COL7A1: variants seen among roughly 807,000 people sequenced by gnomAD.
COL7A1 encodes collagen alpha-1(VII) chain.
In COL7A1, 296 loss-of-function variants were observed where a neutral mutation model predicts 456.2. The ratio of observed to expected loss-of-function variants is 0.65; its 90% CI spans 0.59 to 0.71. COL7A1 has a LOEUF of 0.71. COL7A1 is among the 30% of genes least tolerant of loss of function. The pLI, the probability that COL7A1 is intolerant of heterozygous loss-of-function variation, is 0.00. For missense variants in COL7A1, 3,441 were observed against 4,017.2 expected, an observed-to-expected ratio of 0.86 and a Z score of 3.88; for synonymous variants, 1,464 against 1,525.9, an observed-to-expected ratio of 0.96 and a Z score of 0.95.
chr3:48,595,016 T>C, intron 2 of COL7A1, 59 bp downstream of exon 2: 1 of 1,378,088 alleles, frequency 7.3e-7, no homozygotes, highest in Non-Finnish European at 1.0e-6. Context: ...GAAGGCCGAG[T>C]GGAGCGGAGG....
rs1270992883 is a variant in COL7A1, at chr3:48,565,695, GAC to G, written c.8408-29_8408-28del. On this transcript the variant is annotated intron_variant, in intron 114 of 118. Transcript: ENST00000681320. This position sits in a 1 kb window ranked among gnomAD's most constrained non-coding sequence, Gnocchi z 4.5. ...TAGAGGGGGCAGAGAGGGATAGAGAGACAATGACAGAGAGAAGGATGGGAAGA... is the reference window on the plus strand; with the variant it reads ...TAGAGGGGGCAGAGAGGGATAGAGAGAATGACAGAGAGAAGGATGGGAAGA... 1 of 1,600,864 alleles carries G rather than the reference GAC, an allele frequency of 6.2e-7. No homozygotes were observed. The highest frequency in any genetic ancestry group is 8.5e-7 in the Non-Finnish European group (1 of 1,172,262).
Position 48,591,332 on chromosome 3 carries a change from G to A in COL7A1, c.1636+132C>T, listed in dbSNP as rs1379972822. ...TCAGGGCTCAGTGCCATCTTGGGAA[G>A]CAGATGGATAACGAGACAGGGAGGA... is the stretch of plus-strand genomic sequence containing the variant. On this transcript the variant is annotated intron_variant, in intron 13 of 118. Transcript: ENST00000681320. This position sits in a 1 kb window ranked among gnomAD's most constrained non-coding sequence, Gnocchi z 7.0. The A allele has an allele frequency of 1.6e-6, 2 of 1,262,618 alleles. No homozygotes were observed. The highest frequency in any genetic ancestry group is 2.2e-6 in the Non-Finnish European group (2 of 906,562). The allele number at this position is 1,262,618 out of a possible 1,614,324, so 78.2% of individuals were successfully genotyped here.
Position 48,586,844 on chromosome 3 carries a change from G to A in COL7A1, c.3276+128C>T. On this transcript the variant is annotated intron_variant, in intron 25 of 118. Coordinates refer to ENST00000681320, the MANE Select transcript of COL7A1 (RefSeq NM_000094.4). The surrounding 1 kb of genome is among the most constrained non-coding windows in gnomAD (Gnocchi z 5.1). ...GGATAGGGAGCCAGGCAGTAGGTGA[G>A]GTCTGGAGCCTGTGAGAGAGCTGGG... 4 of 1,513,620 alleles carry A rather than the reference G, an allele frequency of 2.6e-6. No individual in the cohort carries two copies. Among genetic ancestry groups the A allele is most frequent in the Non-Finnish European group, 3.6e-6 (4 of 1,116,226 alleles). 93.8% of individuals were successfully genotyped at this position (1,513,620 alleles called of 1,614,324 possible).
At position 48,587,289 on chromosome 3, in the gene COL7A1, G is replaced by A. The variant is rs1425170956; in HGVS notation, c.3040C>T (p.Arg1014Trp). 5.6e-6 allele frequency: 9 copies of A among 1,606,560 alleles called. No individual in the cohort carries two copies. Among genetic ancestry groups the A allele is most frequent in the Admixed American group, 1.7e-5 (1 of 58,978 alleles). ...ACGCCAGGCTCTAGCCCTGTCACCC[G>A]CTGGGAGCTTGAGATCCCTGGAAGT... ...QTLPGISSSQRVTGLEPGVSY... is the reference protein window; with the variant it reads ...QTLPGISSSQWVTGLEPGVSY... Residue 1014 changes from arginine to tryptophan, a missense_variant, in exon 24 of 119, where the codon CGG (arginine) becomes TGG (tryptophan). Arg to Trp is a moderately radical substitution (Grantham distance 101, BLOSUM62 -3). Coordinates refer to ENST00000681320, the MANE Select transcript of COL7A1 (RefSeq NM_000094.4). The surrounding 1 kb of genome is among the most constrained non-coding windows in gnomAD (Gnocchi z 6.1).
In COL7A1 at chr3:48,566,954, G is replaced by T; in HGVS notation, c.8179C>A (p.Pro2727Thr). ...NDGSAGPPGPPGSVGPRGPEG... is the reference protein window; with the variant it reads ...NDGSAGPPGPTGSVGPRGPEG... ...GGGCCTCTGGGACCAACACTGCCAG[G>T]TGGCCCTGGGGGACCAGCAGAGCCA... The change falls in exon 111 of 119, where the codon CCT becomes ACT. Residue 2727 changes from proline to threonine, a missense_variant. Around this residue, in one of 3 missense-constraint regions of COL7A1, gnomAD observed 2,084 missense variants for 2,501.3 expected, o/e 0.83. Coordinates refer to ENST00000681320, the MANE Select transcript of COL7A1 (RefSeq NM_000094.4). The surrounding 1 kb of genome is among the most constrained non-coding windows in gnomAD (Gnocchi z 5.9). 6.2e-7 allele frequency: 1 copy of T among 1,611,470 alleles called. No individual in the cohort carries two copies. Among genetic ancestry groups the T allele is most frequent in the Non-Finnish European group, 8.5e-7 (1 of 1,178,196 alleles).
rs2532857 is a variant in COL7A1, at chr3:48,581,974, C to A, written c.4636-31G>T. The A allele has an allele frequency of 8.7e-6, 14 of 1,613,942 alleles. No individual in the cohort carries two copies. The highest frequency in any genetic ancestry group is 1.2e-5 in the Non-Finnish European group (14 of 1,180,010). On this transcript the variant is annotated intron_variant, in intron 47 of 118. Coordinates refer to ENST00000681320, the MANE Select transcript of COL7A1 (RefSeq NM_000094.4). The surrounding 1 kb of genome is among the most constrained non-coding windows in gnomAD (Gnocchi z 5.8). Reference sequence around the variant, plus strand: ...AACAAACAGGACAGATACAGCTTGGCCCTGCCTTGGGGTTGTATGATCAAA... The same window carrying A: ...AACAAACAGGACAGATACAGCTTGGACCTGCCTTGGGGTTGTATGATCAAA...
Position 48,567,264 on chromosome 3 carries a change from G to A in COL7A1, c.8047-74C>T. On this transcript the variant is annotated intron_variant, in intron 109 of 118. Transcript: ENST00000681320. This position sits in a 1 kb window ranked among gnomAD's most constrained non-coding sequence, Gnocchi z 4.3. The stretch of plus-strand genomic sequence containing the variant: ...CTCTGGAACCTCCCTGAACTCCCAT[G>A]AGCTCCCTGGCCTAATGCCCAAACC... 5 of 1,571,776 alleles carry A rather than the reference G, an allele frequency of 3.2e-6. No individual in the cohort carries two copies. Among genetic ancestry groups the A allele is most frequent in the Non-Finnish European group, 4.4e-6 (5 of 1,147,146 alleles).
Position 48,587,703 on chromosome 3 carries a change from G to A in COL7A1, c.2857+90C>T. 1 of 1,604,634 alleles carries A rather than the reference G, an allele frequency of 6.2e-7. No individual in the cohort carries two copies. Among genetic ancestry groups the A allele is most frequent in the Non-Finnish European group, 8.5e-7 (1 of 1,172,342 alleles). Reference sequence around the variant, plus strand: ...CCAGGGTCAGAGGGTGAGGGGTAGGGGTACAGGAGGAGTCACTCAGAGTCG... The same window carrying A: ...CCAGGGTCAGAGGGTGAGGGGTAGGAGTACAGGAGGAGTCACTCAGAGTCG... On this transcript the variant is annotated intron_variant, in intron 22 of 118. Coordinates refer to ENST00000681320, the MANE Select transcript of COL7A1 (RefSeq NM_000094.4). The surrounding 1 kb of genome is among the most constrained non-coding windows in gnomAD (Gnocchi z 6.1).
At chr3:48,576,119 C>T in intron 71 of COL7A1, 130 bp downstream of exon 71, 3 of 1,470,624 alleles carry the variant, frequency 2.0e-6, no homozygotes. Flanking sequence ...CTACAAGAAC[C>T]CCAATGGGGC....
In COL7A1 at chr3:48,572,885, C is replaced by G. The variant is rs747689845; in HGVS notation, c.6808G>C (p.Asp2270His). ...ACTGGCACACCAGGGCTCCCTCTGT[C>G]TCCATCTTTTCCACTGGCACCATCT... ...GRDGASGKDG[D>H]RGSPGVPGSP... Residue 2270 changes from aspartate to histidine, a missense_variant, in exon 87 of 119, where the codon GAC becomes CAC. Asp to His is a moderately conservative substitution (Grantham distance 81, BLOSUM62 -1). Around this residue, in one of 3 missense-constraint regions of COL7A1, gnomAD observed 2,084 missense variants for 2,501.3 expected, o/e 0.83. Coordinates refer to ENST00000681320, the MANE Select transcript of COL7A1 (RefSeq NM_000094.4). The surrounding 1 kb of genome is among the most constrained non-coding windows in gnomAD (Gnocchi z 4.6). 34 of 1,613,910 alleles carry G rather than the reference C, an allele frequency of 2.1e-5. No homozygotes were observed. In the East Asian group the frequency reaches 7.6e-4, roughly 36 times the overall value.
chr3:48,595,046 C>CG, intron 2 of COL7A1, 29 bp downstream of exon 2: 3 of 1,532,402 alleles, frequency 2.0e-6, no homozygotes, highest in Non-Finnish European at 2.6e-6. Flanking sequence ...TGCAGTGCCC[C>CG]GGGCCGGGTC....
Position 48,573,413 on chromosome 3 carries a change from C to T in COL7A1, c.6619-65G>A. 2 of 1,613,850 alleles carry T rather than the reference C, an allele frequency of 1.2e-6. No individual in the cohort carries two copies. The highest frequency in any genetic ancestry group is 1.7e-6 in the Non-Finnish European group (2 of 1,179,816). ...GGCCAGGGCTCCTGGAGCTCATCCTCATTGCAGGAGATGACAGCCCAGGAG... is the reference window on the plus strand; with the variant it reads ...GGCCAGGGCTCCTGGAGCTCATCCTTATTGCAGGAGATGACAGCCCAGGAG... On this transcript the variant is annotated intron_variant, in intron 83 of 118. Transcript: ENST00000681320. This position sits in a 1 kb window ranked among gnomAD's most constrained non-coding sequence, Gnocchi z 5.5.
In COL7A1 at chr3:48,579,575, C is replaced by G. The variant is rs374275376; in HGVS notation, c.5235+13G>C. 1 of 1,613,914 alleles carries G rather than the reference C, an allele frequency of 6.2e-7. No individual in the cohort carries two copies. Among genetic ancestry groups the G allele is most frequent in the Non-Finnish European group, 8.5e-7 (1 of 1,180,008 alleles). On this transcript the variant is annotated intron_variant, in intron 59 of 118. Coordinates refer to ENST00000681320, the MANE Select transcript of COL7A1 (RefSeq NM_000094.4). This position sits in a 1 kb window ranked among gnomAD's most constrained non-coding sequence, Gnocchi z 4.4. ...CTCCCATGCCTGCACCCCCGAGGACCAATCACACTCACCCTTTCCCCAGGG... is the reference window on the plus strand; with the variant it reads ...CTCCCATGCCTGCACCCCCGAGGACGAATCACACTCACCCTTTCCCCAGGG...
At position 48,573,123 on chromosome 3, in the gene COL7A1, C is replaced by G; in HGVS notation, c.6714+51G>C. On this transcript the variant is annotated intron_variant, in intron 85 of 118. Transcript: ENST00000681320. The surrounding 1 kb of genome is among the most constrained non-coding windows in gnomAD (Gnocchi z 5.5). ...AGGACGACATGAGAGAACATGGGCC[C>G]CAAGGAGTGAAAACACGGTGTCCCT... 2 of 1,614,042 alleles carry G rather than the reference C, an allele frequency of 1.2e-6. No homozygotes were observed. Among genetic ancestry groups the G allele is most frequent in the Admixed American group, 3.3e-5 (2 of 60,024 alleles).
chr3:48,580,953 G>A lies in COL7A1; in HGVS notation c.4936-27C>T, dbSNP rs1338106451. ...TGGTGATAGAGAGAAAAGTCATACTGCACAGGGCAGTCAGGATCTAACTCA... is the reference window on the plus strand; with the variant it reads ...TGGTGATAGAGAGAAAAGTCATACTACACAGGGCAGTCAGGATCTAACTCA... On this transcript the variant is annotated intron_variant, in intron 53 of 118. Transcript: ENST00000681320. The surrounding 1 kb of genome is among the most constrained non-coding windows in gnomAD (Gnocchi z 4.5). The A allele has an allele frequency of 6.2e-7, 1 of 1,613,686 alleles. No individual in the cohort carries two copies. The highest frequency in any genetic ancestry group is 8.5e-7 in the Non-Finnish European group (1 of 1,179,792).
Position 48,579,788 on chromosome 3 carries a change from C to T in COL7A1, c.5151G>A (p.Glu1717=), listed in dbSNP as rs1183046367. The change falls in exon 58 of 119, where the codon GAG becomes GAA. Residue 1717 remains glutamate, a synonymous_variant. Coordinates refer to ENST00000681320, the MANE Select transcript of COL7A1 (RefSeq NM_000094.4). The surrounding 1 kb of genome is among the most constrained non-coding windows in gnomAD (Gnocchi z 4.4). ...RLVDTGPGAR[E]KGEPGDRGQE... ...CTCCACCCACAGACCCTAATACCTT[C>T]TCTCTGGCTCCAGGTCCTGTGTCTA... The T allele has an allele frequency of 6.2e-7, 1 of 1,614,096 alleles. No homozygotes were observed. Among genetic ancestry groups the T allele is most frequent in the East Asian group, 2.2e-5 (1 of 44,872 alleles).
In COL7A1 at chr3:48,565,368, C is replaced by T. The variant is rs775951487; in HGVS notation, c.8527+42G>A. The T allele has an allele frequency of 5.9e-5, 93 of 1,570,770 alleles. No homozygotes were observed. Among genetic ancestry groups the T allele is most frequent in the African/African-American group, 5.8e-4 (43 of 73,928 alleles). ...TTCATGGACACCCATGTGCGTGTCTCGGCCCCACCCATAGCTGCCCCACGG... is the reference window on the plus strand; with the variant it reads ...TTCATGGACACCCATGTGCGTGTCTTGGCCCCACCCATAGCTGCCCCACGG... On this transcript the variant is annotated intron_variant, in intron 116 of 118. Coordinates refer to ENST00000681320, the MANE Select transcript of COL7A1 (RefSeq NM_000094.4). This position sits in a 1 kb window ranked among gnomAD's most constrained non-coding sequence, Gnocchi z 4.5.
In COL7A1 at chr3:48,566,666, C is replaced by T. The variant is rs1256362256; in HGVS notation, c.8298G>A (p.Gly2766=). Residue 2766 remains glycine (G), a synonymous_variant, in exon 112 of 119, where the codon GGG becomes GGA. Coordinates refer to ENST00000681320, the MANE Select transcript of COL7A1 (RefSeq NM_000094.4). This position sits in a 1 kb window ranked among gnomAD's most constrained non-coding sequence, Gnocchi z 5.9. ...CCTTGGAATCCCTACTCACCTGCTC[C>T]CCTCTCTCGCCAGGAGCTCCAGGGA... ...PGVPGAPGER[G]EQGRPGPAGP... 2.5e-6 allele frequency: 4 copies of T among 1,614,068 alleles called. No homozygotes were observed. In the Admixed American group the frequency reaches 6.7e-5, roughly 27 times the overall value.
Position 48,589,420 on chromosome 3 carries a change from C to T in COL7A1, c.2221G>A (p.Asp741Asn), listed in dbSNP as rs751405989. 2 of 1,613,648 alleles carry T rather than the reference C, an allele frequency of 1.2e-6. No homozygotes were observed. Among genetic ancestry groups the T allele is most frequent in the Non-Finnish European group, 8.5e-7 (1 of 1,180,022 alleles). The change falls in exon 18 of 119, where the codon GAT (aspartate) becomes AAT (asparagine). Residue 741 changes from aspartate to asparagine, a missense_variant. Transcript: ENST00000681320. ...TACTCAGTATCTGGCTCCAGTCCATCCAGCTCAGCCACCGTGGCCTCCCCA... is the reference window on the plus strand; with the variant it reads ...TACTCAGTATCTGGCTCCAGTCCATTCAGCTCAGCCACCGTGGCCTCCCCA... Reference protein sequence around the residue: ...VSGEATVAELDGLEPDTEYTV... With the variant: ...VSGEATVAELNGLEPDTEYTV...
Sources: allele counts gnomAD v4.1 joint callset, GRCh38; gene constraint gnomAD v4.1.1; regional missense constraint gnomAD v4.1.1; non-coding constraint Gnocchi (gnomAD v3.1); transcripts MANE v1.5; gene names NCBI Gene and HGNC (gene_info 2026-07-23, HGNC 2026-07-21).